The following OPCML variants were observed in gnomAD, a reference collection of about 807,000 sequenced individuals.
OPCML encodes the protein opioid binding protein/cell adhesion molecule like, also known as opioid-binding protein/cell adhesion molecule.
Under a neutral mutation model 37.8 loss-of-function variants are expected in OPCML, and 13 were observed. That is an observed-to-expected ratio of 0.34 (90% CI 0.22 to 0.55). The LOEUF (loss-of-function observed/expected upper bound fraction) is 0.55. Ranked by LOEUF, OPCML falls within the 20% of genes least tolerant of loss-of-function variation. OPCML has a pLI of 0.91. For synonymous variants in OPCML, 176 were observed against 168.8 expected, an observed-to-expected ratio of 1.04 and a Z score of -0.33; for missense variants, 341 against 435.6, an observed-to-expected ratio of 0.78 and a Z score of 1.93.
chr11:133,152,364 T>C (rs564425440), intron 1 of OPCML, among the ~76,000 whole-genome samples: 2 of 152,352 alleles, frequency 1.3e-5, no homozygotes, highest in South Asian at 4.1e-4. Context: ...CATTGTTTCA[T>C]GTGAGTGCCC....
intron 1 of OPCML, among the ~76,000 whole-genome samples, chr11:133,266,055 G>GA (rs1169734256): frequency 3.3e-5 from 5 of 150,558 alleles, no homozygotes; most frequent in East Asian, 1.9e-4. Context: ...GCAACACTAG[G>GA]AAAAAAAAAG....
intron 1 of OPCML, among the ~76,000 whole-genome samples, chr11:133,103,824 G>A (rs77908654): frequency 0.024 from 3,672 of 152,208 alleles, 107 homozygotes; most frequent in African/African-American, 0.073. Flanking sequence ...AGGTAGTTGG[G>A]AAATGTCACC....
chr11:132,475,463 G>A (rs532362026), intron 4 of OPCML, among the ~76,000 whole-genome samples: 1 of 152,114 alleles, frequency 6.6e-6, no homozygotes, highest in African/African-American at 2.4e-5. Flanking sequence ...TCTTTAAGGG[G>A]GTGATTAAGT....
chr11:132,922,362 G>A (rs1944836392), intron 2 of OPCML, among the ~76,000 whole-genome samples: 1 of 152,052 alleles, frequency 6.6e-6, no homozygotes, highest in Non-Finnish European at 1.5e-5. Context: ...GAGAAATACT[G>A]GACAATCTGT....
intron 2 of OPCML, among the ~76,000 whole-genome samples, chr11:132,778,213 A>G (rs1946873871): frequency 6.6e-6 from 1 of 152,206 alleles, no homozygotes; most frequent in South Asian, 2.1e-4. Flanking sequence ...TGTTGGTATC[A>G]ATCAAACAGC....
intron 1 of OPCML, among the ~76,000 whole-genome samples, chr11:133,136,378 T>G (rs899723514): frequency 6.4e-5 from 4 of 62,824 alleles, no homozygotes; most frequent in Non-Finnish European, 1.6e-4. Context: ...GCCCCAACTT[T>G]TTTCCCCACT....
At chr11:132,590,831 G>A (rs758602870) in intron 3 of OPCML, among the ~76,000 whole-genome samples, 2 of 152,200 alleles carry the variant, frequency 1.3e-5, no homozygotes, top group Admixed American at 6.5e-5. Context: ...GTGCCCTTTC[G>A]TCCTGGAGAT....
intron 1 of OPCML, among the ~76,000 whole-genome samples, chr11:133,511,149 C>T (rs1381232240): frequency 6.6e-6 from 1 of 152,206 alleles, no homozygotes; most frequent in African/African-American, 2.4e-5. Context: ...GGTGGCCCTG[C>T]CTTCAGCTAC....
At chr11:132,555,682 C>A (rs117371354) in intron 3 of OPCML, among the ~76,000 whole-genome samples, 29 of 152,060 alleles carry the variant, frequency 1.9e-4, no homozygotes, top group Non-Finnish European at 4.0e-4. Context: ...TGAATGAAGG[C>A]GCGTAGACTT....
At chr11:132,889,327 T>C (rs35206616) in intron 2 of OPCML, among the ~76,000 whole-genome samples, 60,430 of 152,120 alleles carry the variant, frequency 0.4, 13,620 homozygotes, top group Middle Eastern at 0.54. Flanking sequence ...TCTGTTCAAA[T>C]GTCCATGGGA....
intron 1 of OPCML, among the ~76,000 whole-genome samples, chr11:133,348,769 C>G (rs1003958387): frequency 6.6e-6 from 1 of 152,146 alleles, no homozygotes; most frequent in Non-Finnish European, 1.5e-5. Flanking sequence ...ATAAGTCAAA[C>G]CATGTCGAGG....
intron 1 of OPCML, among the ~76,000 whole-genome samples, chr11:133,414,081 C>T (rs945047543): frequency 6.6e-5 from 10 of 152,180 alleles, no homozygotes; most frequent in African/African-American, 2.4e-4. Flanking sequence ...GTCATTCCTG[C>T]ATTTTTCCTT....
chr11:133,015,046 T>C (rs1247018849), intron 1 of OPCML, among the ~76,000 whole-genome samples: 3 of 152,112 alleles, frequency 2.0e-5, no homozygotes, highest in African/African-American at 7.2e-5. Context: ...CAAACACAGT[T>C]ACAAATACAA....
chr11:132,906,162 A>G (rs991354154), intron 2 of OPCML, among the ~76,000 whole-genome samples: 1 of 152,132 alleles, frequency 6.6e-6, no homozygotes, highest in African/African-American at 2.4e-5. Context: ...CCTTTCATCG[A>G]TGCATTAATC....
intron 4 of OPCML, among the ~76,000 whole-genome samples, chr11:132,439,308 T>G (rs180906010): frequency 6.6e-6 from 1 of 152,306 alleles, no homozygotes; most frequent in Admixed American, 6.5e-5. Context: ...TCCTGAATGA[T>G]GCTGCTCACC....
At chr11:133,499,851 T>TATAC (rs1447188676) in intron 1 of OPCML, among the ~76,000 whole-genome samples, 3 of 131,362 alleles carry the variant, frequency 2.3e-5, no homozygotes, top group African/African-American at 9.8e-5. Flanking sequence ...TATATATATA[T>TATAC]ACATACACAT....
chr11:132,969,310 T>C (rs748591867), intron 1 of OPCML, among the ~76,000 whole-genome samples: 3 of 152,134 alleles, frequency 2.0e-5, no homozygotes, highest in Non-Finnish European at 4.4e-5. Flanking sequence ...TGTTGGAGAG[T>C]CCTTGTATGT....
intron 4 of OPCML, among the ~76,000 whole-genome samples, chr11:132,501,728 T>G (rs565691779): frequency 6.6e-6 from 1 of 152,206 alleles, no homozygotes; most frequent in Non-Finnish European, 1.5e-5. Context: ...TAGAATTTTT[T>G]AAATAGGTAA....
intron 1 of OPCML, among the ~76,000 whole-genome samples, chr11:133,121,333 C>T (rs1229476181): frequency 6.6e-6 from 1 of 152,230 alleles, no homozygotes; most frequent in East Asian, 1.9e-4. Flanking sequence ...GAAATTTCTA[C>T]TCTGTCAGTC....
Sources: gnomAD v4.1 joint callset for allele counts (sites outside exome capture counted in the v4.1 genomes callset) on GRCh38, gnomAD v4.1.1 for gene constraint, MANE v1.5 for transcripts, NCBI Gene and HGNC (gene_info 2026-07-23, HGNC 2026-07-21) for gene names.